The following WDR49 variants were observed in gnomAD, a reference collection of about 807,000 sequenced individuals.
The protein encoded by WDR49 is cilia- and flagella-associated protein 337.
In WDR49, 107 loss-of-function variants were observed where a neutral mutation model predicts 119.5. The ratio of observed to expected loss-of-function variants is 0.90; its 90% CI spans 0.77 to 1.05. The LOEUF (loss-of-function observed/expected upper bound fraction) is 1.05. WDR49 is among the 50% of genes least tolerant of loss of function. The probability of loss-of-function intolerance (pLI) is 0.00; values close to 1 mark genes in which losing one functional copy is unlikely to be tolerated. For synonymous variants in WDR49, 425 were observed against 418.8 expected, an observed-to-expected ratio of 1.01 and a Z score of -0.18; for missense variants, 1,240 against 1,220.5, an observed-to-expected ratio of 1.02 and a Z score of -0.24.
intron 2 of WDR49, among the ~76,000 whole-genome samples, chr3:167,641,219 G>C (rs978619674): frequency 1.3e-5 from 2 of 151,874 alleles, no homozygotes; most frequent in African/African-American, 4.8e-5. Context: ...CCACCCATGA[G>C]TTATGTGTTT....
chr3:167,657,330 T>C (rs1428545293), upstream of WDR49, among the ~76,000 whole-genome samples: 1 of 152,104 alleles, frequency 6.6e-6, no homozygotes, highest in Non-Finnish European at 1.5e-5. Flanking sequence ...GTATATAAAA[T>C]AGAAATGGTC....
chr3:167,554,683 C>A lies in WDR49; in HGVS notation c.1790G>T (p.Arg597Met). 1 of 1,605,842 alleles carries A rather than the reference C, an allele frequency of 6.2e-7. No individual in the cohort carries two copies. Among genetic ancestry groups the A allele is most frequent in the Non-Finnish European group, 8.5e-7 (1 of 1,174,696 alleles). The change falls in exon 10 of 19, where the codon AGG (arginine) becomes ATG (methionine). Residue 597 changes from arginine (R) to methionine (M), a missense_variant. Coordinates refer to ENST00000682715, the MANE Select transcript of WDR49 (RefSeq NM_001366157.1). ...AGTTTTCCATGAGGCATAATCATAC[C>A]TCTCCCAGCCTGTAACCAGTATTTT... The part of the protein sequence containing the change: ...KKKILVTGWE[R>M]YDYASWKTIG...
intron 2 of WDR49, among the ~76,000 whole-genome samples, chr3:167,638,807 A>C (rs1169166438): frequency 6.6e-6 from 1 of 151,610 alleles, no homozygotes; most frequent in Non-Finnish European, 1.5e-5. Flanking sequence ...ATTTGAATAA[A>C]GTTAAAGTTT....
At chr3:167,582,236 C>A (rs1377075220) in intron 7 of WDR49, among the ~76,000 whole-genome samples, 2 of 152,014 alleles carry the variant, frequency 1.3e-5, no homozygotes, top group Admixed American at 6.6e-5. Flanking sequence ...AGAAGTTAAG[C>A]CTCTCAGTAA....
intron 8 of WDR49, among the ~76,000 whole-genome samples, chr3:167,569,597 T>A (rs146916456): frequency 4.6e-5 from 7 of 151,118 alleles, no homozygotes; most frequent in Admixed American, 4.6e-4. Context: ...CTCAGGAAGC[T>A]GAGGCAGGAC....
At chr3:167,582,031 CGTGTGTGTGTGT>C (rs57233824) in intron 7 of WDR49, among the ~76,000 whole-genome samples, 287 of 142,416 alleles carry the variant, frequency 2.0e-3, no homozygotes, top group African/African-American at 4.4e-3. Context: ...GGCATGCTTC[CGTGTGTGTGTGT>C]GTGTGTGTGT....
At chr3:167,646,434 C>T (rs1220078077) in intron 2 of WDR49, among the ~76,000 whole-genome samples, 1 of 152,042 alleles carries the variant, frequency 6.6e-6, no homozygotes, top group Non-Finnish European at 1.5e-5. Flanking sequence ...GAGAGTAGCT[C>T]CTTGCCACAA....
intron 18 of WDR49, among the ~76,000 whole-genome samples, chr3:167,499,883 G>C (rs570199836): frequency 3.3e-5 from 5 of 152,060 alleles, no homozygotes; most frequent in Non-Finnish European, 7.4e-5. Context: ...TCTCATCCAC[G>C]GAAGATTCAT....
chr3:167,481,978 A>T (rs935059175), intron 18 of WDR49, among the ~76,000 whole-genome samples: 2 of 152,214 alleles, frequency 1.3e-5, no homozygotes, highest in African/African-American at 2.4e-5. Context: ...ATTTAAAGGC[A>T]TCATTTAATA....
At chr3:167,588,166 A>C (rs1436392734) in intron 7 of WDR49, among the ~76,000 whole-genome samples, 2 of 152,044 alleles carry the variant, frequency 1.3e-5, no homozygotes, top group Non-Finnish European at 1.5e-5. Context: ...CAATTGTTTT[A>C]ATTTTTAGCT....
At chr3:167,543,838 G>A (rs148349223) in intron 10 of WDR49, among the ~76,000 whole-genome samples, 1 of 152,026 alleles carries the variant, frequency 6.6e-6, no homozygotes, top group African/African-American at 2.4e-5. Flanking sequence ...TCAGTAAAGA[G>A]GAAGTCAAAC....
intron 7 of WDR49, among the ~76,000 whole-genome samples, chr3:167,580,312 A>G (rs566690047): frequency 6.6e-6 from 1 of 152,178 alleles, no homozygotes; most frequent in South Asian, 2.1e-4. Context: ...GCATTGAAGT[A>G]CAGCCATAAA....
At chr3:167,640,641 G>A (rs766117642) in intron 2 of WDR49, among the ~76,000 whole-genome samples, 12 of 151,922 alleles carry the variant, frequency 7.9e-5, no homozygotes, top group African/African-American at 1.2e-4. Context: ...TGAGATTCCC[G>A]TTTAGTTGGA....
chr3:167,564,121 C>G (rs998150203), intron 8 of WDR49, among the ~76,000 whole-genome samples: 7 of 152,162 alleles, frequency 4.6e-5, no homozygotes, highest in African/African-American at 1.7e-4. Flanking sequence ...CTGACTGAGC[C>G]CCAACATACT....
chr3:167,538,488 T>A (rs531998971), intron 10 of WDR49, among the ~76,000 whole-genome samples: 2 of 152,284 alleles, frequency 1.3e-5, no homozygotes, highest in South Asian at 4.1e-4. Flanking sequence ...AACTACCTCA[T>A]GGTTGACTTA....
At chr3:167,652,325 G>A (rs1206989777) in intron 2 of WDR49, among the ~76,000 whole-genome samples, 1 of 152,134 alleles carries the variant, frequency 6.6e-6, no homozygotes, top group Admixed American at 6.5e-5. Context: ...GCCTATTACA[G>A]GCTAATATAT....
At chr3:167,592,566 C>A (rs1311607753) in intron 7 of WDR49, among the ~76,000 whole-genome samples, 1 of 151,782 alleles carries the variant, frequency 6.6e-6, no homozygotes, top group Non-Finnish European at 1.5e-5. Context: ...TCCTGAGTAG[C>A]TGGGACTACA....
At chr3:167,617,494 C>G (rs953035740) in intron 5 of WDR49, among the ~76,000 whole-genome samples, 1 of 152,182 alleles carries the variant, frequency 6.6e-6, no homozygotes, top group East Asian at 1.9e-4. Flanking sequence ...CCACTGCACT[C>G]CAGCCTGGGC....
At chr3:167,610,346 C>T (rs570610518) in intron 5 of WDR49, among the ~76,000 whole-genome samples, 1 of 152,106 alleles carries the variant, frequency 6.6e-6, no homozygotes, top group East Asian at 1.9e-4. Context: ...GCAGCACTGA[C>T]GACAAGCTGA....
Sources: allele counts gnomAD v4.1 joint callset (sites outside exome capture counted in the v4.1 genomes callset), GRCh38; gene constraint gnomAD v4.1.1; transcripts MANE v1.5; gene names NCBI Gene and HGNC (gene_info 2026-07-23, HGNC 2026-07-21).